Variants in CNIH3 observed in about 807,000 individuals in gnomAD.
CNIH3 encodes protein cornichon homolog 3.
CNIH3 carries 14 observed loss-of-function variants against 24.1 expected under a neutral mutation model. That is an observed-to-expected ratio of 0.58 (90% confidence interval 0.38 to 0.91). The LOEUF (loss-of-function observed/expected upper bound fraction) is 0.91. Among genes scored for constraint, CNIH3 ranks in the 40% least tolerant of loss-of-function variants. The pLI, the probability that CNIH3 is intolerant of heterozygous loss-of-function variation, is 0.00. For synonymous variants in CNIH3, 68 were observed against 73.8 expected (o/e 0.92, Z 0.40); for missense variants, 178 against 196.8 (o/e 0.90, Z 0.57).
At chr1:224,664,120 A>G (rs764710290) in intron 1 of CNIH3, among the ~76,000 whole-genome samples, 2 of 152,164 alleles carry the variant, frequency 1.3e-5, no homozygotes, top group Non-Finnish European at 2.9e-5. Context: ...GGGGGTTTAT[A>G]TAGTGGGGAA....
At chr1:224,692,066 A>G (rs563494008) in intron 3 of CNIH3, among the ~76,000 whole-genome samples, 1 of 152,310 alleles carries the variant, frequency 6.6e-6, no homozygotes, top group Non-Finnish European at 1.5e-5. Context: ...TTTGGGAGGC[A>G]GGAGGATTGC....
Position 224,739,319 on chromosome 1 carries a change from T to TTTC in CNIH3, c.456-9_456-8insTCT. 7.0e-7 allele frequency: 1 copy of TTTC among 1,427,336 alleles called. No individual in the cohort carries two copies. The highest frequency in any genetic ancestry group is 9.4e-7 in the Non-Finnish European group (1 of 1,062,796). 88.4% of individuals were successfully genotyped at this position (1,427,336 alleles called of 1,614,324 possible). ...TCTTTTTTTTTTTTTTTTTTTTTTT[T>TTTC]TGCATTCAGCATGATCTACACTTTA... On this transcript the variant is annotated splice_polypyrimidine_tract_variant and intron_variant, in intron 5 of 5. Coordinates refer to ENST00000272133, the MANE Select transcript of CNIH3 (RefSeq NM_152495.2).
At chr1:224,506,660 C>G (rs976258850) in intron 1 of CNIH3, among the ~76,000 whole-genome samples, 7 of 152,196 alleles carry the variant, frequency 4.6e-5, no homozygotes, top group Admixed American at 6.5e-5. Context: ...GGGCAGCCAA[C>G]AAGCCACGTG....
chr1:224,711,030 G>A (rs1572780733), intron 3 of CNIH3, among the ~76,000 whole-genome samples: 1 of 152,164 alleles, frequency 6.6e-6, no homozygotes, highest in East Asian at 1.9e-4. Context: ...AGTGCATTTG[G>A]GGCACTCCAT....
At chr1:224,647,918 G>C (rs987218973) in intron 1 of CNIH3, among the ~76,000 whole-genome samples, 1 of 152,240 alleles carries the variant, frequency 6.6e-6, no homozygotes, top group African/African-American at 2.4e-5. Flanking sequence ...AACTCAGCCA[G>C]GCTTTGGAAC....
intron 1 of CNIH3, among the ~76,000 whole-genome samples, chr1:224,643,211 A>G (rs1448525441): frequency 6.6e-6 from 1 of 152,190 alleles, no homozygotes; most frequent in Non-Finnish European, 1.5e-5. Context: ...CCCTGGGAAT[A>G]GGGGGAGAAA....
At chr1:224,553,362 G>A (rs1680005962) in intron 3 of CNIH3, among the ~76,000 whole-genome samples, 1 of 151,886 alleles carries the variant, frequency 6.6e-6, no homozygotes, top group Non-Finnish European at 1.5e-5. Context: ...GTTGTTTTCT[G>A]CCGTCCTTGC....
intron 4 of CNIH3, among the ~76,000 whole-genome samples, chr1:224,572,031 T>C (rs992514698): frequency 6.6e-6 from 1 of 152,130 alleles, no homozygotes; most frequent in African/African-American, 2.4e-5. Context: ...GTCAAGTAGG[T>C]TACCTCTAGT....
Position 224,477,309 on chromosome 1 carries a change from C to T in CNIH3, n.204-38432C>T, listed in dbSNP as rs545291436. On this transcript the variant is annotated intron_variant and non_coding_transcript_variant, in intron 1 of 5. Coordinates refer to the CNIH3 transcript ENST00000471578. ...CTGTTCTGTCCATCTGAGTGGGACG[C>T]GCAAGCTAGTCTTTCCTCGTATCCA... Among the ~76,000 whole-genome samples the T allele has an allele frequency of 5.9e-5, 9 of 152,294 alleles. No individual in the cohort carries two copies. In the East Asian group the frequency reaches 9.7e-4, roughly 16 times the overall value.
chr1:224,576,725 A>T (rs1420952329), intron 4 of CNIH3, among the ~76,000 whole-genome samples: 2 of 152,164 alleles, frequency 1.3e-5, no homozygotes, highest in African/African-American at 4.8e-5. Context: ...TAGAGCCCAC[A>T]TAGTGAAAGC....
chr1:224,558,030 A>G (rs1023316067), intron 3 of CNIH3, among the ~76,000 whole-genome samples: 2 of 152,226 alleles, frequency 1.3e-5, no homozygotes, highest in Admixed American at 6.5e-5. Context: ...AGTGACTTCA[A>G]ACAACCATTC....
At chr1:224,546,405 G>C (rs1679705764) in intron 2 of CNIH3, among the ~76,000 whole-genome samples, 1 of 152,132 alleles carries the variant, frequency 6.6e-6, no homozygotes, top group South Asian at 2.1e-4. Context: ...ACTGCACTGT[G>C]GTGCCATCAG....
At chr1:224,533,532 G>C (rs1679163989) in intron 2 of CNIH3, among the ~76,000 whole-genome samples, 6 of 152,134 alleles carry the variant, frequency 3.9e-5, no homozygotes, top group Admixed American at 3.9e-4. Flanking sequence ...TCATCGTTCT[G>C]GGGGCTGGAA....
intron 1 of CNIH3, chr1:224,454,380 C>A: frequency 1.1e-6 from 1 of 883,280 alleles, no homozygotes. Context: ...TTGTGTTGAA[C>A]ATAATTGAAA....
At chr1:224,701,514 TCTAATC>T (rs1687489938) in intron 3 of CNIH3, among the ~76,000 whole-genome samples, 1 of 152,142 alleles carries the variant, frequency 6.6e-6, no homozygotes, top group South Asian at 2.1e-4. Flanking sequence ...CATGTTGTCA[TCTAATC>T]CTAATCAACT....
intron 2 of CNIH3, among the ~76,000 whole-genome samples, chr1:224,522,844 G>A (rs1044018738): frequency 2.6e-5 from 4 of 152,200 alleles, no homozygotes; most frequent in African/African-American, 9.7e-5. Context: ...TTGGAAAACA[G>A]TGTGGCATTA....
intron 3 of CNIH3, chr1:224,719,200 A>G (rs779894338): frequency 6.6e-6 from 1 of 152,292 alleles, no homozygotes; most frequent in Non-Finnish European, 1.5e-5. Flanking sequence ...AGACCCACAA[A>G]GACACACACA....
At chr1:224,506,291 A>G (rs1321642645) in intron 1 of CNIH3, among the ~76,000 whole-genome samples, 3 of 150,622 alleles carry the variant, frequency 2.0e-5, no homozygotes, top group South Asian at 2.1e-4. Flanking sequence ...GCGCGCGCAC[A>G]CACACACACA....
At chr1:224,701,112 G>A (rs1272979087) in intron 3 of CNIH3, among the ~76,000 whole-genome samples, 2 of 152,044 alleles carry the variant, frequency 1.3e-5, no homozygotes, top group South Asian at 2.1e-4. Context: ...CTGGCTGCCC[G>A]GAAGCCATGG....
Sources: gnomAD v4.1 joint callset for allele counts (sites outside exome capture counted in the v4.1 genomes callset) on GRCh38, gnomAD v4.1.1 for gene constraint, MANE v1.5 for transcripts, NCBI Gene and HGNC (gene_info 2026-07-23, HGNC 2026-07-21) for gene names.